The following SLC44A5 variants were observed in gnomAD, a reference collection of about 807,000 sequenced individuals.
SLC44A5 encodes choline transporter-like protein 5.
Under a neutral mutation model 101.8 loss-of-function variants are expected in SLC44A5, and 57 were observed. The observed-to-expected ratio is 0.56, with a 90% CI of 0.45 to 0.70. The LOEUF is 0.70. Ranked by LOEUF, SLC44A5 falls within the 30% of genes least tolerant of loss-of-function variation. SLC44A5 has a pLI of 0.00. For synonymous variants in SLC44A5, 281 were observed against 290.9 expected (o/e 0.97, Z 0.35); for missense variants, 737 against 853.1 (o/e 0.86, Z 1.70).
chr1:75,323,211 G>A (rs879135736), intron 4 of SLC44A5, among the ~76,000 whole-genome samples: 164 of 150,482 alleles, frequency 1.1e-3, no homozygotes, highest in African/African-American at 3.7e-3. Context: ...TTGTTCTTGC[G>A]ATAGTTTACT....
the SLC44A5 span, among the ~76,000 whole-genome samples, chr1:75,640,599 C>T: frequency 3.9e-5 from 6 of 152,082 alleles, no homozygotes; most frequent in African/African-American, 1.4e-4. Context: ...CTCTCTCTCT[C>T]TCTGGGGGAA....
chr1:75,485,427 G>T (rs1668100467), intron 2 of SLC44A5, among the ~76,000 whole-genome samples: 1 of 152,200 alleles, frequency 6.6e-6, no homozygotes, highest in Non-Finnish European at 1.5e-5. Context: ...TAGGAAGAGT[G>T]ACCTTTGCTC....
At chr1:75,678,436 T>A in the SLC44A5 span, among the ~76,000 whole-genome samples, 1 of 152,060 alleles carries the variant, frequency 6.6e-6, no homozygotes, top group Non-Finnish European at 1.5e-5. Flanking sequence ...GATTGCCTCC[T>A]CAAGTGGGTC....
chr1:75,444,471 AAG>A (rs199555011), intron 2 of SLC44A5, among the ~76,000 whole-genome samples: 175 of 116,274 alleles, frequency 1.5e-3, no homozygotes, highest in Admixed American at 4.2e-3. Flanking sequence ...GAAAAAAAGA[AAG>A]AGAAAGAAAG....
chr1:75,228,300 AG>A (rs1002596174), intron 12 of SLC44A5, among the ~76,000 whole-genome samples: 2 of 152,146 alleles, frequency 1.3e-5, no homozygotes, highest in African/African-American at 4.8e-5. Context: ...GCATATTTTT[AG>A]TGAACTAAAT....
At chr1:75,582,599 G>A in intron 1 of SLC44A5, 1 of 347,118 alleles carries the variant, frequency 2.9e-6, no homozygotes, top group Admixed American at 4.2e-5. Flanking sequence ...AGAAGGACTG[G>A]TGTGACCCGC....
chr1:75,307,692 T>G (rs985309084), intron 4 of SLC44A5, among the ~76,000 whole-genome samples: 1 of 152,232 alleles, frequency 6.6e-6, no homozygotes, highest in Admixed American at 6.5e-5. Context: ...ATTAATTGTA[T>G]CCACCCCCTT....
intron 2 of SLC44A5, among the ~76,000 whole-genome samples, chr1:75,401,681 T>C (rs1662486065): frequency 6.6e-6 from 1 of 151,922 alleles, no homozygotes; most frequent in South Asian, 2.1e-4. Context: ...TTGACTGTCA[T>C]ATAGAAGGCC....
intron 3 of SLC44A5, among the ~76,000 whole-genome samples, chr1:75,351,262 C>A (rs953239115): frequency 9.9e-5 from 15 of 151,952 alleles, no homozygotes; most frequent in African/African-American, 3.6e-4. Flanking sequence ...GATTGTAACA[C>A]ATTTTCTCAG....
intron 4 of SLC44A5, among the ~76,000 whole-genome samples, chr1:75,329,109 G>A (rs2100992057): frequency 6.6e-6 from 1 of 152,286 alleles, no homozygotes; most frequent in East Asian, 1.9e-4. Context: ...ACCTTCGCAT[G>A]TACCCTTGAA....
intron 2 of SLC44A5, among the ~76,000 whole-genome samples, chr1:75,421,738 A>T (rs1664020378): frequency 6.6e-6 from 1 of 152,152 alleles, no homozygotes; most frequent in South Asian, 2.1e-4. Context: ...AAAAACACAT[A>T]ATAGAGGAAG....
chr1:75,284,248 T>C (rs961536082), intron 5 of SLC44A5, among the ~76,000 whole-genome samples: 1 of 152,162 alleles, frequency 6.6e-6, no homozygotes, highest in Non-Finnish European at 1.5e-5. Context: ...AGTATTTTGT[T>C]TTTGTTTTGC....
At position 75,209,465 on chromosome 1, in the gene SLC44A5, T is replaced by G. The variant is rs534186763; in HGVS notation, c.2047+2003A>C. Among the ~76,000 whole-genome samples, 5 of 152,326 alleles carry G rather than the reference T, an allele frequency of 3.3e-5. No individual in the cohort carries two copies. The South Asian group carries it at 8.3e-4, about 25-fold the overall frequency. ...AGTGCTTGACCTTACTCGTGCTCCT[T>G]CTTCCATCCCATACCTGAACTGTTT... On this transcript the variant is annotated intron_variant, in intron 23 of 23. Transcript: ENST00000370859.
intron 2 of SLC44A5, among the ~76,000 whole-genome samples, chr1:75,479,297 C>A (rs968304816): frequency 6.6e-6 from 1 of 152,294 alleles, no homozygotes; most frequent in South Asian, 2.1e-4. Context: ...CAAGAGAAAG[C>A]AGGAAAGATC....
intron 2 of SLC44A5, among the ~76,000 whole-genome samples, chr1:75,535,071 CTTT>C (rs34439007): frequency 0.16 from 22,870 of 139,720 alleles, 2,034 homozygotes; most frequent in Admixed American, 0.27. Flanking sequence ...ATTGAAGCTG[CTTT>C]TTTTTTTTTT....
At chr1:75,674,427 T>A in the SLC44A5 span, among the ~76,000 whole-genome samples, 1 of 152,152 alleles carries the variant, frequency 6.6e-6, no homozygotes, top group African/African-American at 2.4e-5. Flanking sequence ...TCGCCCAGGC[T>A]GGAGTGCAAT....
At chr1:75,328,124 C>T (rs916618956) in intron 4 of SLC44A5, among the ~76,000 whole-genome samples, 12 of 152,184 alleles carry the variant, frequency 7.9e-5, no homozygotes, top group Non-Finnish European at 1.5e-4. Flanking sequence ...CCAAGCCTAC[C>T]CACTGGTCTT....
At chr1:75,342,544 TCCAA>T (rs1570724846) in intron 3 of SLC44A5, among the ~76,000 whole-genome samples, 1 of 118,458 alleles carries the variant, frequency 8.4e-6, no homozygotes, top group East Asian at 7.0e-4. Context: ...ACTGTCCAAC[TCCAA>T]ACAAAGCCTG....
At chr1:75,558,071 T>G (rs1017496732) in intron 1 of SLC44A5, among the ~76,000 whole-genome samples, 8 of 152,132 alleles carry the variant, frequency 5.3e-5, no homozygotes, top group African/African-American at 1.7e-4. Context: ...AATCTAATGA[T>G]GACAATTTGA....
Sources: allele counts gnomAD v4.1 joint callset (sites outside exome capture counted in the v4.1 genomes callset), GRCh38; gene constraint gnomAD v4.1.1; transcripts MANE v1.5; gene names NCBI Gene and HGNC (gene_info 2026-07-23, HGNC 2026-07-21).